The following PRORP variants were observed in gnomAD, a reference collection of about 807,000 sequenced individuals.
The protein encoded by PRORP is mitochondrial ribonuclease P catalytic subunit.
In PRORP, 51 loss-of-function variants were observed where a neutral mutation model predicts 59.4. That is an observed-to-expected ratio of 0.86 (90% CI 0.69 to 1.08). PRORP has a LOEUF of 1.08. Ranked by LOEUF, PRORP falls within the 50% of genes least tolerant of loss-of-function variation. The pLI is 0.00. For synonymous variants in PRORP, 231 were observed against 245.6 expected (o/e 0.94, Z 0.55); for missense variants, 646 against 690.3 (o/e 0.94, Z 0.72).
chr14:35,132,983 A>G (rs1283071677), intron 4 of PRORP, among the ~76,000 whole-genome samples: 1 of 151,988 alleles, frequency 6.6e-6, no homozygotes, highest in African/African-American at 2.4e-5. Flanking sequence ...GTGCAATGGC[A>G]TGATCTTGGC....
chr14:35,147,997 T>G (rs1425038869), intron 4 of PRORP, among the ~76,000 whole-genome samples: 1 of 152,222 alleles, frequency 6.6e-6, no homozygotes, highest in African/African-American at 2.4e-5. Context: ...TAATTCTAGT[T>G]CTCTTGCTAT....
In PRORP at chr14:35,123,463, G is replaced by A. The variant is rs143142949; in HGVS notation, c.218G>A (p.Gly73Asp). The change falls in exon 2 of 8, where the codon GGC becomes GAC. Residue 73 changes from glycine (G) to aspartate (D), a missense_variant. By Grantham distance (94) the Gly-to-Asp change is moderately conservative. Coordinates refer to ENST00000534898, the MANE Select transcript of PRORP (RefSeq NM_014672.4). ...GCCAGATATCTCAGGAAAGATGAGGGCAGTAATAAGCAAGTTTATTCTGTT... is the reference window on the plus strand; with the variant it reads ...GCCAGATATCTCAGGAAAGATGAGGACAGTAATAAGCAAGTTTATTCTGTT... ...AKARYLRKDE[G>D]SNKQVYSVPH... The A allele has an allele frequency of 6.2e-7, 1 of 1,614,154 alleles. No homozygotes were observed. Among genetic ancestry groups the A allele is most frequent in the Non-Finnish European group, 8.5e-7 (1 of 1,180,028 alleles).
intron 5 of PRORP, among the ~76,000 whole-genome samples, chr14:35,189,430 CTT>C (rs35474589): frequency 3.6e-4 from 48 of 133,764 alleles, no homozygotes; most frequent in Admixed American, 7.3e-4. Context: ...AAATTCTGAG[CTT>C]TTTTTTTTTT....
intron 4 of PRORP, among the ~76,000 whole-genome samples, chr14:35,148,092 A>T (rs183679083): frequency 6.6e-6 from 1 of 152,150 alleles, no homozygotes; most frequent in Non-Finnish European, 1.5e-5. Flanking sequence ...ACTTCTTCCA[A>T]ACCTGTTACT....
intron 5 of PRORP, among the ~76,000 whole-genome samples, chr14:35,264,217 C>T (rs958044194): frequency 2.0e-5 from 3 of 151,836 alleles, no homozygotes; most frequent in African/African-American, 7.3e-5. Context: ...AACCTCCACC[C>T]CACGGATTCA....
intron 4 of PRORP, among the ~76,000 whole-genome samples, chr14:35,150,989 G>C (rs943758577): frequency 1.3e-5 from 2 of 152,170 alleles, no homozygotes; most frequent in Admixed American, 6.5e-5. Context: ...TTCTCTCTCA[G>C]ATTCAGGTTG....
At position 35,136,064 on chromosome 14, in the gene PRORP, G is replaced by C. The variant is rs566174556; in HGVS notation, c.1167+8453G>C. On this transcript the variant is annotated intron_variant, in intron 4 of 7. Coordinates refer to ENST00000534898, the MANE Select transcript of PRORP (RefSeq NM_014672.4). Reference sequence around the variant, plus strand: ...AGGAGTTGAAAAGGATAAGATTGAGGCACTGGAGTTGAGTCAGACGGCTGC... The same window carrying C: ...AGGAGTTGAAAAGGATAAGATTGAGCCACTGGAGTTGAGTCAGACGGCTGC... 3.9e-5 allele frequency among the ~76,000 whole-genome samples: 6 copies of C among 152,266 alleles called. No individual in the cohort carries two copies. In the East Asian group the frequency reaches 1.2e-3, roughly 29 times the overall value.
chr14:35,122,823 G>C (rs2046964308), intron 1 of PRORP, 129 bp from the exon 2 acceptor site: 2 of 173,798 alleles, frequency 1.2e-5, no homozygotes, highest in Non-Finnish European at 2.5e-5. Flanking sequence ...TGGAGTTGGG[G>C]GTCCCTGGAT....
At chr14:35,128,965 G>A (rs917421872) in intron 4 of PRORP, among the ~76,000 whole-genome samples, 7 of 151,992 alleles carry the variant, frequency 4.6e-5, no homozygotes, top group South Asian at 2.1e-4. Context: ...GGGAGACCAA[G>A]GCTGGTGGAT....
chr14:35,146,098 T>C (rs1383302768), intron 4 of PRORP, among the ~76,000 whole-genome samples: 1 of 152,140 alleles, frequency 6.6e-6, no homozygotes, highest in Non-Finnish European at 1.5e-5. Context: ...CCCAAAGTGC[T>C]GGGATTACAG....
chr14:35,125,541 G>T (rs1395966297), intron 2 of PRORP, among the ~76,000 whole-genome samples: 1 of 152,062 alleles, frequency 6.6e-6, no homozygotes, highest in African/African-American at 2.4e-5. Context: ...TCATTAATTT[G>T]CTTCCTAAAA....
chr14:35,236,520 C>T (rs80000659), intron 5 of PRORP, among the ~76,000 whole-genome samples: 8,783 of 152,276 alleles, frequency 0.058, 342 homozygotes, highest in Middle Eastern at 0.11. Context: ...CTCAGGACAG[C>T]AGTAACTTCC....
At chr14:35,166,709 C>G (rs2048194001) in intron 4 of PRORP, among the ~76,000 whole-genome samples, 1 of 152,132 alleles carries the variant, frequency 6.6e-6, no homozygotes, top group Non-Finnish European at 1.5e-5. Flanking sequence ...CCTCGGCCTC[C>G]CAAAGTGCTG....
chr14:35,270,656 C>A, intron 7 of PRORP, 60 bp downstream of exon 7: 2 of 1,446,038 alleles, frequency 1.4e-6, no homozygotes, highest in Non-Finnish European at 1.9e-6. Flanking sequence ...AAGAATGTGG[C>A]ATAGAAAAAG....
intron 7 of PRORP, among the ~76,000 whole-genome samples, chr14:35,272,160 G>C (rs2051210479): frequency 6.6e-6 from 1 of 152,178 alleles, no homozygotes; most frequent in African/African-American, 2.4e-5. Flanking sequence ...ATTGAAAATT[G>C]CTAAGAGTAG....
intron 5 of PRORP, chr14:35,262,843 G>T: frequency 2.0e-6 from 3 of 1,507,076 alleles, no homozygotes; most frequent in South Asian, 1.1e-5. Context: ...GTTCGGATGA[G>T]AACAGGTGTT....
chr14:35,232,144 A>G (rs1222131553), intron 5 of PRORP, among the ~76,000 whole-genome samples: 1 of 151,882 alleles, frequency 6.6e-6, no homozygotes, highest in South Asian at 2.1e-4. Context: ...AATGAAAATC[A>G]TATCTTTTAT....
intron 4 of PRORP, among the ~76,000 whole-genome samples, chr14:35,154,766 T>C (rs1448490494): frequency 6.6e-6 from 1 of 152,102 alleles, no homozygotes; most frequent in Non-Finnish European, 1.5e-5. Flanking sequence ...AAGCAACCAT[T>C]TGCAGTGTAT....
rs1356767432 is a variant in PRORP, at chr14:35,218,461, AAAAAAG to A, written c.1275+37690_1275+37695del. The stretch of plus-strand genomic sequence containing the variant: ...GGGCAACAGAGCAAGATCCTGTCTA[AAAAAAG>A]AAAAAAAAAAAAAAAAAACCAACAA... On this transcript the variant is annotated intron_variant, in intron 5 of 7. Transcript: ENST00000534898. Among the ~76,000 whole-genome samples the A allele has an allele frequency of 1.6e-3, 226 of 143,476 alleles. 4 individuals are homozygous for A. The highest frequency in any genetic ancestry group is 4.9e-3 in the African/African-American group (192 of 38,942). 94.1% of individuals were successfully genotyped at this position (143,476 alleles called of 152,430 possible). A position where few individuals can be genotyped will look rare whatever the true frequency, so the allele number is the denominator to read the frequency against.
Sources: allele counts gnomAD v4.1 joint callset (sites outside exome capture counted in the v4.1 genomes callset), GRCh38; gene constraint gnomAD v4.1.1; transcripts MANE v1.5; gene names NCBI Gene and HGNC (gene_info 2026-07-23, HGNC 2026-07-21).